PFKFB3: variants seen among roughly 807,000 people sequenced by gnomAD.
PFKFB3 encodes 6-phosphofructo-2-kinase/fructose-2,6-bisphosphatase 3.
In PFKFB3, 33 loss-of-function variants were observed where a neutral mutation model predicts 68.0. The ratio of observed to expected loss-of-function variants is 0.49; its 90% CI spans 0.37 to 0.65. The LOEUF is 0.65. Ranked by LOEUF, PFKFB3 falls within the 30% of genes least tolerant of loss-of-function variation. The pLI is 0.00. For synonymous variants in PFKFB3, 315 were observed against 288.2 expected, an observed-to-expected ratio of 1.09 and a Z score of -0.94; for missense variants, 586 against 712.2, an observed-to-expected ratio of 0.82 and a Z score of 2.02.
the PFKFB3 span, among the ~76,000 whole-genome samples, chr10:6,289,455 A>G: frequency 2.6e-5 from 4 of 152,276 alleles, no homozygotes; most frequent in East Asian, 5.8e-4. Flanking sequence ...CATTTATTAA[A>G]TAGGGAATCC....
rs562710589 is a variant in PFKFB3, at chr10:6,210,461, C to T, written c.77-3162C>T. 2.8e-3 allele frequency among the ~76,000 whole-genome samples: 310 copies of T among 112,360 alleles called. 98 individuals carry two copies. The highest frequency in any genetic ancestry group is 8.4e-3 in the Middle Eastern group (2 of 238). 73.7% of individuals were successfully genotyped at this position (112,360 alleles called of 152,430 possible). ...CTGCAAGCTCCGCCTCCCGGGTTCA[C>T]GCCATTCTCCTGCCTCAGCCTCCCG... On this transcript the variant is annotated intron_variant, in intron 1 of 14. Transcript: ENST00000379775.
At chr10:6,277,100 C>G in the PFKFB3 span, among the ~76,000 whole-genome samples, 2 of 152,078 alleles carry the variant, frequency 1.3e-5, no homozygotes, top group Non-Finnish European at 2.9e-5. Flanking sequence ...GTATGTGATA[C>G]AGTTTGGATC....
chr10:6,194,720 C>T (rs1278638456), intron 1 of PFKFB3, among the ~76,000 whole-genome samples: 2 of 152,254 alleles, frequency 1.3e-5, no homozygotes, highest in Non-Finnish European at 2.9e-5. Flanking sequence ...GGAAGCTGGC[C>T]CAAGAGCTTT....
At chr10:6,271,529 A>G in the PFKFB3 span, among the ~76,000 whole-genome samples, 1 of 152,228 alleles carries the variant, frequency 6.6e-6, no homozygotes, top group African/African-American at 2.4e-5. Context: ...CCGGGCAGGT[A>G]GCACAGGGAG....
At chr10:6,240,966 A>C (rs902927946) in intron 14 of PFKFB3, among the ~76,000 whole-genome samples, 1 of 151,370 alleles carries the variant, frequency 6.6e-6, no homozygotes, top group Non-Finnish European at 1.5e-5. Flanking sequence ...GTGCAATGGC[A>C]TGATCTCAGC....
Position 6,229,435 on chromosome 10 carries a change from C to T in PFKFB3, c.1515+3070C>T, listed in dbSNP as rs1254536040. On this transcript the variant is annotated intron_variant, in intron 14 of 14. Transcript: ENST00000379775. The surrounding 1 kb of genome is among the most constrained non-coding windows in gnomAD (Gnocchi z 4.3). ...CGGCTTCTGGGAGTGGGCTGGGTGCCCGTTCCCTGCTGCTGTCCTGAGGCC... is the reference window on the plus strand; with the variant it reads ...CGGCTTCTGGGAGTGGGCTGGGTGCTCGTTCCCTGCTGCTGTCCTGAGGCC... Among the ~76,000 whole-genome samples the T allele has an allele frequency of 2.0e-5, 3 of 152,224 alleles. No homozygotes were observed. The highest frequency in any genetic ancestry group is 2.0e-4 in the Admixed American group (3 of 15,282).
At chr10:6,232,331 G>A (rs1845800040) in intron 14 of PFKFB3, among the ~76,000 whole-genome samples, 1 of 152,110 alleles carries the variant, frequency 6.6e-6, no homozygotes, top group African/African-American at 2.4e-5. Context: ...ATCAGAAGTG[G>A]GGCAGGGCTT....
chr10:6,198,376 A>G (rs1048807731), upstream of PFKFB3, among the ~76,000 whole-genome samples: 2 of 152,226 alleles, frequency 1.3e-5, no homozygotes, highest in African/African-American at 4.8e-5. Flanking sequence ...GAGCAATTTG[A>G]GTCACTTCAC....
chr10:6,260,258 A>G, the PFKFB3 span, among the ~76,000 whole-genome samples: 1 of 151,820 alleles, frequency 6.6e-6, no homozygotes, highest in Non-Finnish European at 1.5e-5. Flanking sequence ...TAAAAATACA[A>G]AAAAATTAGC....
rs1007597934 is a variant in PFKFB3 at position 6,233,114 on chromosome 10, C to T, written c.*172C>T. ...TTGGCACCGTCTGTGTCCCCTCGGC[C>T]GCTGGACACCAGAAAGCCACGTGGG... On this transcript the variant is annotated 3_prime_UTR_variant, in exon 15 of 15. Coordinates refer to ENST00000379775, the MANE Select transcript of PFKFB3 (RefSeq NM_004566.4). 34 of 598,914 alleles carry T rather than the reference C, an allele frequency of 5.7e-5. No homozygotes were observed. Among genetic ancestry groups the T allele is most frequent in the East Asian group, 3.7e-4 (13 of 35,440 alleles). 37.1% of individuals were successfully genotyped at this position (598,914 alleles called of 1,614,324 possible). A position where few individuals can be genotyped will look rare whatever the true frequency, so the allele number is the denominator to read the frequency against.
At chr10:6,260,597 T>C in the PFKFB3 span, among the ~76,000 whole-genome samples, 1 of 152,164 alleles carries the variant, frequency 6.6e-6, no homozygotes, top group Admixed American at 6.5e-5. Flanking sequence ...CCAAGTGCTA[T>C]AGTTTTCTTT....
the PFKFB3 span, among the ~76,000 whole-genome samples, chr10:6,320,442 G>A: frequency 7.9e-5 from 12 of 151,610 alleles, no homozygotes; most frequent in African/African-American, 2.9e-4. Flanking sequence ...ATGTCATGAA[G>A]AAACAGCTTC....
At chr10:6,184,913 A>G (rs1043850308) in intron 1 of PFKFB3, among the ~76,000 whole-genome samples, 1 of 151,514 alleles carries the variant, frequency 6.6e-6, no homozygotes, top group Non-Finnish European at 1.5e-5. Flanking sequence ...GGCCTTCCTC[A>G]TGGCTCTTAC....
intron 1 of PFKFB3, among the ~76,000 whole-genome samples, chr10:6,177,771 G>C (rs117810045): frequency 0.011 from 1,625 of 152,126 alleles, 68 homozygotes; most frequent in East Asian, 0.1. Context: ...TGATCTATCC[G>C]CCTTGGCCTC....
the PFKFB3 span, among the ~76,000 whole-genome samples, chr10:6,304,179 T>C: frequency 1.3e-5 from 2 of 152,216 alleles, no homozygotes; most frequent in Non-Finnish European, 2.9e-5. Flanking sequence ...ATTGTTTACT[T>C]ACTGCAGTAA....
At chr10:6,245,949 G>C (rs1217970824) in intron 14 of PFKFB3, 1 of 152,180 alleles carries the variant, frequency 6.6e-6, no homozygotes, top group Non-Finnish European at 1.5e-5. Flanking sequence ...TAGGATGCCG[G>C]ATATGGCAGC....
intron 1 of PFKFB3, among the ~76,000 whole-genome samples, chr10:6,211,601 G>A (rs554843689): frequency 6.1e-4 from 93 of 152,318 alleles, no homozygotes; most frequent in South Asian, 2.1e-3. Flanking sequence ...CCATCTCTCC[G>A]TGTGCCCCTG....
the PFKFB3 span, among the ~76,000 whole-genome samples, chr10:6,320,361 A>G: frequency 6.6e-6 from 1 of 152,122 alleles, no homozygotes; most frequent in African/African-American, 2.4e-5. Flanking sequence ...AAAATGAAGA[A>G]ATGTATGAGC....
At chr10:6,195,235 G>A (rs1332327094) in intron 1 of PFKFB3, among the ~76,000 whole-genome samples, 1 of 152,244 alleles carries the variant, frequency 6.6e-6, no homozygotes, top group Non-Finnish European at 1.5e-5. Flanking sequence ...GACCCTTAGA[G>A]AGGAGACATG....
Sources: allele counts gnomAD v4.1 joint callset (sites outside exome capture counted in the v4.1 genomes callset), GRCh38; gene constraint gnomAD v4.1.1; non-coding constraint Gnocchi (gnomAD v3.1); transcripts MANE v1.5; gene names NCBI Gene and HGNC (gene_info 2026-07-23, HGNC 2026-07-21).